Variants in LRRC3B observed in about 807,000 individuals in gnomAD.
The protein encoded by LRRC3B is leucine rich repeat containing 3B, also known as leucine-rich repeat-containing protein 3B.
In LRRC3B, 2 loss-of-function variants were observed where a neutral mutation model predicts 12.8. The observed-to-expected ratio is 0.16, with a 90% CI of 0.06 to 0.49. The LOEUF (loss-of-function observed/expected upper bound fraction) is 0.49. Ranked by LOEUF, LRRC3B falls within the 20% of genes least tolerant of loss-of-function variation. The probability of loss-of-function intolerance (pLI) is 0.96; values close to 1 mark genes in which losing one functional copy is unlikely to be tolerated. For synonymous variants in LRRC3B, 132 were observed against 122.0 expected (o/e 1.08, Z -0.54); for missense variants, 189 against 319.4 (o/e 0.59, Z 3.11).
intron 1 of LRRC3B, among the ~76,000 whole-genome samples, chr3:26,646,598 TAAAAAAAAAAAAAAAAAAAAAAA>T (rs529066996): frequency 5.0e-5 from 5 of 99,658 alleles, no homozygotes; most frequent in Admixed American, 2.1e-4. Context: ...GGATAGGAGG[TAAAAAAAAAAAAAAAAAAAAAAA>T]AAAAAAAAAA....
chr3:26,702,016 T>C (rs1182720923), intron 1 of LRRC3B, among the ~76,000 whole-genome samples: 1 of 152,156 alleles, frequency 6.6e-6, no homozygotes, highest in Non-Finnish European at 1.5e-5. Context: ...AAATGATAGC[T>C]GTGTTATAAT....
intron 1 of LRRC3B, among the ~76,000 whole-genome samples, chr3:26,676,343 T>C (rs550676205): frequency 6.6e-6 from 1 of 151,744 alleles, no homozygotes; most frequent in African/African-American, 2.4e-5. Flanking sequence ...GTTTGGTTTT[T>C]TTGTCCTTGC....
chr3:26,677,663 C>A, intron 1 of LRRC3B, among the ~76,000 whole-genome samples: 1 of 152,330 alleles, frequency 6.6e-6, no homozygotes, highest in African/African-American at 2.4e-5. Context: ...CAAAGAAACA[C>A]ATGTATACAT....
At chr3:26,667,045 G>T (rs1699619293) in intron 1 of LRRC3B, among the ~76,000 whole-genome samples, 1 of 150,312 alleles carries the variant, frequency 6.7e-6, no homozygotes. Context: ...GTGATGTCTG[G>T]GCTCCTTGAA....
At chr3:26,699,925 A>G (rs1038703382) in intron 1 of LRRC3B, among the ~76,000 whole-genome samples, 4 of 152,166 alleles carry the variant, frequency 2.6e-5, no homozygotes, top group Non-Finnish European at 5.9e-5. Context: ...AGAGGGATAA[A>G]TGCTGGGTTC....
intron 1 of LRRC3B, among the ~76,000 whole-genome samples, chr3:26,664,407 C>T (rs747691430): frequency 9.9e-5 from 15 of 152,068 alleles, no homozygotes; most frequent in Admixed American, 2.0e-4. Context: ...TTTCTAGGGG[C>T]AGAGAAAGTC....
rs529738288 is a variant in LRRC3B, at chr3:26,658,563, G to A, written c.-161+35326G>A. Among the ~76,000 whole-genome samples, 7 of 152,284 alleles carry A rather than the reference G, an allele frequency of 4.6e-5. No homozygotes were observed. The South Asian group carries it at 1.2e-3, about 27-fold the overall frequency. On this transcript the variant is annotated intron_variant, in intron 1 of 1. Transcript: ENST00000396641. ...TACTGGTATCACACATTGAAGAGGAGGGGAAGTTGAAGAGACAGGTCCTGT... is the reference window on the plus strand; with the variant it reads ...TACTGGTATCACACATTGAAGAGGAAGGGAAGTTGAAGAGACAGGTCCTGT...
At chr3:26,700,722 T>G (rs565460765) in intron 1 of LRRC3B, among the ~76,000 whole-genome samples, 1 of 152,284 alleles carries the variant, frequency 6.6e-6, no homozygotes, top group Non-Finnish European at 1.5e-5. Context: ...GGAAAAAAAT[T>G]AGAGTTTAGC....
At chr3:26,639,057 G>A (rs1279483952) in intron 1 of LRRC3B, among the ~76,000 whole-genome samples, 2 of 152,128 alleles carry the variant, frequency 1.3e-5, no homozygotes, top group African/African-American at 4.8e-5. Flanking sequence ...ATACCTTATA[G>A]AGGAACACTC....
In LRRC3B at chr3:26,694,222, T is replaced by A. The variant is rs866428786; in HGVS notation, c.-160-15291T>A. Among the ~76,000 whole-genome samples, 6 of 152,218 alleles carry A rather than the reference T, an allele frequency of 3.9e-5. No individual in the cohort carries two copies. The South Asian group carries it at 6.2e-4, about 16-fold the overall frequency. On this transcript the variant is annotated intron_variant, in intron 1 of 1. Transcript: ENST00000396641. ...GTGCATTTCAATCTGAATGTATTAATTTATCAATAGCAATGTTTTATTCTA... is the reference window on the plus strand; with the variant it reads ...GTGCATTTCAATCTGAATGTATTAAATTATCAATAGCAATGTTTTATTCTA...
At chr3:26,643,253 T>TAA (rs755639749) in intron 1 of LRRC3B, among the ~76,000 whole-genome samples, 100 of 121,956 alleles carry the variant, frequency 8.2e-4, no homozygotes, top group South Asian at 2.4e-3. Flanking sequence ...CACATATGTG[T>TAA]GAGTGTGTGT....
chr3:26,671,939 C>G (rs1309959053), intron 1 of LRRC3B, among the ~76,000 whole-genome samples: 4 of 152,286 alleles, frequency 2.6e-5, no homozygotes, highest in African/African-American at 9.6e-5. Flanking sequence ...CTTTTGAACA[C>G]AAGATCTATT....
intron 1 of LRRC3B, among the ~76,000 whole-genome samples, chr3:26,675,460 G>A (rs879051997): frequency 2.0e-5 from 3 of 152,164 alleles, no homozygotes; most frequent in East Asian, 1.9e-4. Flanking sequence ...TAGGAAAAGC[G>A]GTTGGTGGCA....
chr3:26,671,539 G>A (rs532749993), intron 1 of LRRC3B, among the ~76,000 whole-genome samples: 16 of 149,846 alleles, frequency 1.1e-4, no homozygotes, highest in Admixed American at 6.6e-4. Flanking sequence ...CTACAGGCGC[G>A]CGCCACCAAG....
At chr3:26,626,964 CA>C (rs1433103849) in intron 1 of LRRC3B, among the ~76,000 whole-genome samples, 2 of 152,160 alleles carry the variant, frequency 1.3e-5, no homozygotes, top group Non-Finnish European at 2.9e-5. Context: ...AATACAGTGG[CA>C]TAAATTCTTG....
intron 1 of LRRC3B, among the ~76,000 whole-genome samples, chr3:26,702,392 G>A (rs1055681226): frequency 6.6e-6 from 1 of 152,080 alleles, no homozygotes; most frequent in Non-Finnish European, 1.5e-5. Flanking sequence ...TTATTAATGA[G>A]CCACCTAAAT....
intron 1 of LRRC3B, among the ~76,000 whole-genome samples, chr3:26,636,972 TTCTC>T (rs1164676086): frequency 1.3e-4 from 10 of 76,104 alleles, no homozygotes; most frequent in Admixed American, 3.5e-4. Flanking sequence ...CTTTCTTTCT[TTCTC>T]TCTCTCTCTT....
intron 1 of LRRC3B, among the ~76,000 whole-genome samples, chr3:26,681,024 A>G (rs938498186): frequency 6.6e-6 from 1 of 152,220 alleles, no homozygotes; most frequent in African/African-American, 2.4e-5. Flanking sequence ...CTTATATACT[A>G]CAAAAGACAA....
At chr3:26,638,788 G>C (rs1159592645) in intron 1 of LRRC3B, among the ~76,000 whole-genome samples, 1 of 152,204 alleles carries the variant, frequency 6.6e-6, no homozygotes, top group South Asian at 2.1e-4. Context: ...TTCATTCTTA[G>C]ACTGTTTTGG....
Sources: allele counts gnomAD v4.1 joint callset (sites outside exome capture counted in the v4.1 genomes callset), GRCh38; gene constraint gnomAD v4.1.1; transcripts MANE v1.5; gene names NCBI Gene and HGNC (gene_info 2026-07-23, HGNC 2026-07-21).